KIAA1217: variants seen among roughly 807,000 people sequenced by gnomAD.
KIAA1217 encodes KIAA1217, also known as sickle tail protein homolog.
KIAA1217 carries 88 observed loss-of-function variants against 163.9 expected under a neutral mutation model. The observed-to-expected ratio is 0.54, with a 90% confidence interval of 0.45 to 0.64. KIAA1217 has a LOEUF of 0.64. KIAA1217 is among the 30% of genes least tolerant of loss of function. The probability of loss-of-function intolerance (pLI) is 0.00; values close to 1 mark genes in which losing one functional copy is unlikely to be tolerated. For synonymous variants in KIAA1217, 903 were observed against 923.1 expected (o/e 0.98, Z 0.39); for missense variants, 2,372 against 2,475.0 (o/e 0.96, Z 0.88).
chr10:23,860,491 G>T (rs1014653013), intron 1 of KIAA1217, among the ~76,000 whole-genome samples: 2 of 152,062 alleles, frequency 1.3e-5, no homozygotes, highest in Non-Finnish European at 1.5e-5. Context: ...ACATTGTAAT[G>T]AAATGTTTAC....
chr10:24,545,662 T>C, intron 20 of KIAA1217, 165 bp from the exon 21 acceptor site: 1 of 1,429,686 alleles, frequency 7.0e-7, no homozygotes, highest in South Asian at 1.6e-5. Flanking sequence ...GGGGGGTTTC[T>C]ACCAGGTCCA....
chr10:24,405,638 G>T (rs2057126982), intron 3 of KIAA1217, among the ~76,000 whole-genome samples: 2 of 152,106 alleles, frequency 1.3e-5, no homozygotes, highest in South Asian at 4.2e-4. Flanking sequence ...TTTGATATGA[G>T]GTGTCATTTA....
At chr10:23,924,542 C>T (rs1384785370) in intron 1 of KIAA1217, among the ~76,000 whole-genome samples, 1 of 152,084 alleles carries the variant, frequency 6.6e-6, no homozygotes, top group African/African-American at 2.4e-5. Context: ...ACCTTAAGGT[C>T]ACCTTATTTG....
At chr10:24,291,259 T>C (rs1590660211) in intron 2 of KIAA1217, among the ~76,000 whole-genome samples, 1 of 152,302 alleles carries the variant, frequency 6.6e-6, no homozygotes, top group South Asian at 2.1e-4. Flanking sequence ...CTGGGCATGG[T>C]GGCTCACGCC....
intron 2 of KIAA1217, among the ~76,000 whole-genome samples, chr10:24,026,742 A>ATTTTTTTTTTT: frequency 2.9e-5 from 2 of 70,080 alleles, no homozygotes; most frequent in Non-Finnish European, 5.5e-5. Flanking sequence ...TATTTCATTG[A>ATTTTTTTTTTT]TTTTTTTTTT....
chr10:24,434,099 C>A (rs899029889), intron 4 of KIAA1217, among the ~76,000 whole-genome samples: 2 of 133,356 alleles, frequency 1.5e-5, no homozygotes, highest in African/African-American at 5.7e-5. Context: ...TACAATGGTG[C>A]GATCTCCGTT....
At chr10:24,252,012 C>T (rs181019994) in intron 2 of KIAA1217, among the ~76,000 whole-genome samples, 1 of 152,126 alleles carries the variant, frequency 6.6e-6, no homozygotes, top group Non-Finnish European at 1.5e-5. Context: ...AGGGAGACAT[C>T]TCACAAAACA....
At chr10:24,333,523 A>G (rs1398933056) in intron 2 of KIAA1217, among the ~76,000 whole-genome samples, 8 of 152,218 alleles carry the variant, frequency 5.3e-5, no homozygotes, top group Non-Finnish European at 1.0e-4. Context: ...ATGAGATCCC[A>G]TCACTCAGGT....
intron 1 of KIAA1217, among the ~76,000 whole-genome samples, chr10:24,005,305 A>G (rs1165537004): frequency 6.6e-6 from 1 of 152,152 alleles, no homozygotes; most frequent in Non-Finnish European, 1.5e-5. Flanking sequence ...ATATTATTTT[A>G]TATACATTTT....
In KIAA1217 at chr10:24,501,402, A is replaced by C; in HGVS notation, c.1858A>C (p.Lys620Gln). The change falls in exon 9 of 21, where the codon AAG becomes CAG. Residue 620 changes from lysine to glutamine, a missense_variant. Coordinates refer to ENST00000376454, the MANE Select transcript of KIAA1217 (RefSeq NM_019590.5). ...SAGTPHVSGGKMLSALESTVP... is the reference protein window; with the variant it reads ...SAGTPHVSGGQMLSALESTVP... Reference sequence around the variant, plus strand: ...AGGAACGCCCCATGTGTCTGGTGGGAAGATGCTCAGTGCTCTGGAGTCCAC... The same window carrying C: ...AGGAACGCCCCATGTGTCTGGTGGGCAGATGCTCAGTGCTCTGGAGTCCAC... The C allele has an allele frequency of 6.2e-7, 1 of 1,611,740 alleles. No homozygotes were observed. The highest frequency in any genetic ancestry group is 8.5e-7 in the Non-Finnish European group (1 of 1,178,242).
At chr10:23,824,012 C>T (rs1837750378) in intron 1 of KIAA1217, among the ~76,000 whole-genome samples, 1 of 152,068 alleles carries the variant, frequency 6.6e-6, no homozygotes, top group Non-Finnish European at 1.5e-5. Flanking sequence ...TGGCTCACAC[C>T]TGTAATCCCA....
chr10:24,216,689 T>C (rs1277137334), intron 1 of KIAA1217, among the ~76,000 whole-genome samples: 1 of 151,568 alleles, frequency 6.6e-6, no homozygotes, highest in African/African-American at 2.4e-5. Flanking sequence ...TAGCCGGGCA[T>C]GGTTGCGCAC....
intron 1 of KIAA1217, among the ~76,000 whole-genome samples, chr10:23,803,610 C>T (rs1836584753): frequency 6.6e-6 from 1 of 152,214 alleles, no homozygotes; most frequent in Admixed American, 6.5e-5. Flanking sequence ...GAACATCGTG[C>T]AGATGCATTT....
At chr10:23,993,704 T>A (rs1025970947) in intron 1 of KIAA1217, among the ~76,000 whole-genome samples, 5 of 151,792 alleles carry the variant, frequency 3.3e-5, no homozygotes, top group African/African-American at 1.2e-4. Context: ...TACAAGTGCA[T>A]GCTACCACAC....
chr10:24,484,645 G>A (rs957582538), intron 6 of KIAA1217, among the ~76,000 whole-genome samples: 10 of 151,954 alleles, frequency 6.6e-5, no homozygotes, highest in African/African-American at 1.9e-4. Flanking sequence ...CTGCAGCCTC[G>A]AACTCCTGGG....
intron 1 of KIAA1217, among the ~76,000 whole-genome samples, chr10:23,997,661 T>C (rs1846547102): frequency 6.6e-6 from 1 of 152,234 alleles, no homozygotes; most frequent in African/African-American, 2.4e-5. Flanking sequence ...TTACATCTAA[T>C]TCTAGATAGA....
intron 5 of KIAA1217, among the ~76,000 whole-genome samples, chr10:24,451,457 C>T (rs1174953502): frequency 6.6e-6 from 1 of 152,228 alleles, no homozygotes. Context: ...AAGATTGAGA[C>T]ATCAACACAG....
chr10:24,342,260 C>G (rs75383546), intron 2 of KIAA1217, among the ~76,000 whole-genome samples: 1 of 152,278 alleles, frequency 6.6e-6, no homozygotes, highest in East Asian at 1.9e-4. Flanking sequence ...AGAGACCTAC[C>G]TCACATACTT....
At chr10:23,986,671 G>A (rs562739923) in intron 1 of KIAA1217, among the ~76,000 whole-genome samples, 8 of 152,170 alleles carry the variant, frequency 5.3e-5, no homozygotes, top group East Asian at 3.9e-4. Flanking sequence ...ATGTCATGTC[G>A]CAAATGTGGC....
Sources: allele counts gnomAD v4.1 joint callset (sites outside exome capture counted in the v4.1 genomes callset), GRCh38; gene constraint gnomAD v4.1.1; transcripts MANE v1.5; gene names NCBI Gene and HGNC (gene_info 2026-07-23, HGNC 2026-07-21).